INPP4B: variants seen among roughly 807,000 people sequenced by gnomAD.
INPP4B encodes the protein inositol polyphosphate-4-phosphatase type II B.
INPP4B carries 55 observed loss-of-function variants against 122.5 expected under a neutral mutation model. That is an observed-to-expected ratio of 0.45 (90% confidence interval 0.36 to 0.56). INPP4B has a LOEUF of 0.56. Ranked by LOEUF, INPP4B falls within the 20% of genes least tolerant of loss-of-function variation. INPP4B has a pLI of 0.00. For synonymous variants in INPP4B, 403 were observed against 388.7 expected (o/e 1.04, Z -0.43); for missense variants, 1,000 against 1,097.7 (o/e 0.91, Z 1.26).
intron 2 of INPP4B, among the ~76,000 whole-genome samples, chr4:142,573,530 A>C (rs1733266033): frequency 6.6e-6 from 1 of 152,140 alleles, no homozygotes; most frequent in Admixed American, 6.6e-5. Context: ...CTCAGACATA[A>C]GTGATCTCTA....
At chr4:142,538,876 A>G (rs1349969580) in intron 2 of INPP4B, among the ~76,000 whole-genome samples, 1 of 151,940 alleles carries the variant, frequency 6.6e-6, no homozygotes, top group Non-Finnish European at 1.5e-5. Flanking sequence ...CAATGCGGTA[A>G]AAAAGAGAGA....
Position 142,120,731 on chromosome 4 carries a change from G to A in INPP4B, c.2135+1397C>T, listed in dbSNP as rs150100044. The stretch of plus-strand genomic sequence containing the variant: ...TAGGAAATTGTGTTCACAGGGCCAG[G>A]GTTGATGGGAGCAGCCCTCAGCAAA... On this transcript the variant is annotated intron_variant, in intron 21 of 25. Transcript: ENST00000262992. 7.8e-3 allele frequency among the ~76,000 whole-genome samples: 1,187 copies of A among 152,124 alleles called. 13 individuals carry two copies. The highest frequency in any genetic ancestry group is 0.026 in the African/African-American group (1,091 of 41,524).
intron 22 of INPP4B, among the ~76,000 whole-genome samples, chr4:142,110,571 G>A (rs1176712749): frequency 6.6e-6 from 1 of 152,142 alleles, no homozygotes; most frequent in Non-Finnish European, 1.5e-5. Context: ...GAGGTTCAGA[G>A]AACAGAGAGT....
chr4:142,710,574 AAGT>A (rs1013353186), intron 2 of INPP4B, among the ~76,000 whole-genome samples: 71 of 152,332 alleles, frequency 4.7e-4, no homozygotes, highest in African/African-American at 1.7e-3. Flanking sequence ...CACATATAAA[AAGT>A]AGTTTTCATG....
intron 2 of INPP4B, among the ~76,000 whole-genome samples, chr4:142,596,340 C>T (rs1738683524): frequency 6.6e-6 from 1 of 152,152 alleles, no homozygotes; most frequent in African/African-American, 2.4e-5. Context: ...GGCCTCCAGG[C>T]ACTTTGCAGC....
At chr4:142,417,730 T>C (rs1806065266) in intron 5 of INPP4B, among the ~76,000 whole-genome samples, 1 of 152,060 alleles carries the variant, frequency 6.6e-6, no homozygotes, top group Non-Finnish European at 1.5e-5. Context: ...CTGATTGAGT[T>C]TGCAAAACGA....
chr4:142,498,814 T>C (rs571757372), intron 2 of INPP4B, among the ~76,000 whole-genome samples: 1 of 152,052 alleles, frequency 6.6e-6, no homozygotes, highest in East Asian at 1.9e-4. Flanking sequence ...ATAAAATGTG[T>C]CTTATACTGG....
chr4:142,200,449 T>C (rs1238655901), intron 14 of INPP4B, among the ~76,000 whole-genome samples: 1 of 152,064 alleles, frequency 6.6e-6, no homozygotes, highest in Non-Finnish European at 1.5e-5. Context: ...ACTGCTACTA[T>C]GGTGTCACTG....
At chr4:142,770,305 T>C (rs1453874486) in intron 1 of INPP4B, among the ~76,000 whole-genome samples, 2 of 151,556 alleles carry the variant, frequency 1.3e-5, no homozygotes, top group African/African-American at 2.4e-5. Context: ...ATAATATTGT[T>C]ATATTATCTA....
chr4:142,525,954 C>G (rs561009056), intron 2 of INPP4B, among the ~76,000 whole-genome samples: 1 of 152,034 alleles, frequency 6.6e-6, no homozygotes, highest in Non-Finnish European at 1.5e-5. Flanking sequence ...GAACAGGCAA[C>G]CTACAAAATG....
intron 14 of INPP4B, among the ~76,000 whole-genome samples, chr4:142,196,605 C>T (rs1038183564): frequency 6.6e-6 from 1 of 152,166 alleles, no homozygotes; most frequent in Non-Finnish European, 1.5e-5. Context: ...TGCTCACCTT[C>T]CCCATTTTCT....
intron 2 of INPP4B, among the ~76,000 whole-genome samples, chr4:142,473,072 C>A (rs946067320): frequency 3.9e-5 from 6 of 152,118 alleles, no homozygotes; most frequent in African/African-American, 1.4e-4. Flanking sequence ...GACTTGATTT[C>A]TAATAAAGAT....
intron 7 of INPP4B, among the ~76,000 whole-genome samples, chr4:142,348,004 T>C (rs562828788): frequency 6.6e-6 from 1 of 152,082 alleles, no homozygotes; most frequent in Non-Finnish European, 1.5e-5. Context: ...AATTTTGCTA[T>C]GTAATTATAA....
chr4:142,781,758 T>C (rs190996672), intron 1 of INPP4B, among the ~76,000 whole-genome samples: 75 of 152,256 alleles, frequency 4.9e-4, no homozygotes, highest in African/African-American at 1.8e-3. Context: ...GTGCCACTGA[T>C]ACTGCAATAT....
At chr4:142,135,929 T>C (rs1180815578) in intron 18 of INPP4B, among the ~76,000 whole-genome samples, 1 of 152,134 alleles carries the variant, frequency 6.6e-6, no homozygotes, top group African/African-American at 2.4e-5. Context: ...CCTGAGTATC[T>C]GGGACTACAG....
intron 1 of INPP4B, among the ~76,000 whole-genome samples, chr4:142,819,571 A>G (rs948375804): frequency 6.6e-6 from 1 of 152,170 alleles, no homozygotes; most frequent in Non-Finnish European, 1.5e-5. Flanking sequence ...TGGGTGAAAC[A>G]CTAGTATAAT....
intron 16 of INPP4B, among the ~76,000 whole-genome samples, chr4:142,172,892 A>C (rs1288893022): frequency 6.6e-6 from 1 of 152,014 alleles, no homozygotes; most frequent in Non-Finnish European, 1.5e-5. Flanking sequence ...GCACAGGTGA[A>C]GGATGCACAC....
At chr4:142,447,337 GAA>G (rs879814064) in intron 3 of INPP4B, among the ~76,000 whole-genome samples, 30 of 152,312 alleles carry the variant, frequency 2.0e-4, no homozygotes, top group Admixed American at 1.8e-3. Context: ...ACTGCAGTGA[GAA>G]AAGAGTGAAG....
chr4:142,486,166 T>C (rs1168226728), intron 2 of INPP4B, among the ~76,000 whole-genome samples: 2 of 152,174 alleles, frequency 1.3e-5, no homozygotes, highest in Admixed American at 6.6e-5. Context: ...GGAATTTATA[T>C]GAAAAGAAAT....
Sources: allele counts gnomAD v4.1 joint callset (sites outside exome capture counted in the v4.1 genomes callset), GRCh38; gene constraint gnomAD v4.1.1; transcripts MANE v1.5; gene names NCBI Gene and HGNC (gene_info 2026-07-23, HGNC 2026-07-21).